Variants in BCKDHB observed in about 807,000 individuals in gnomAD.
The protein encoded by BCKDHB is 2-oxoisovalerate dehydrogenase subunit beta, mitochondrial.
In BCKDHB, 41 loss-of-function variants were observed where a neutral mutation model predicts 48.5. The ratio of observed to expected loss-of-function variants is 0.85; its 90% CI spans 0.66 to 1.10. The LOEUF (loss-of-function observed/expected upper bound fraction) is 1.10. Among genes scored for constraint, BCKDHB ranks in the 50% least tolerant of loss-of-function variants. BCKDHB has a pLI of 0.00. For missense variants in BCKDHB, 496 were observed against 494.2 expected (o/e 1.00, Z -0.03); for synonymous variants, 201 against 174.8 (o/e 1.15, Z -1.18).
At chr6:80,157,802 C>T (rs1413478032) in intron 3 of BCKDHB, among the ~76,000 whole-genome samples, 1 of 151,710 alleles carries the variant, frequency 6.6e-6, no homozygotes, top group East Asian at 1.9e-4. Context: ...TTTGGGTGGG[C>T]CTATAGTCTC....
At chr6:80,222,899 A>G (rs559067804) in intron 8 of BCKDHB, among the ~76,000 whole-genome samples, 34 of 152,288 alleles carry the variant, frequency 2.2e-4, no homozygotes, top group African/African-American at 7.9e-4. Flanking sequence ...CTGTTACTTT[A>G]CATAGAATTC....
intron 5 of BCKDHB, chr6:80,169,912 A>G: frequency 1.3e-6 from 2 of 1,547,488 alleles, no homozygotes; most frequent in East Asian, 4.7e-5. Flanking sequence ...GAGGCAAGTT[A>G]TTTTTGTGCT....
the BCKDHB span, among the ~76,000 whole-genome samples, chr6:80,452,148 T>C: frequency 1.3e-5 from 2 of 152,290 alleles, no homozygotes; most frequent in Non-Finnish European, 2.9e-5. Flanking sequence ...AGGTGGAATA[T>C]GATGATGTCA....
intron 9 of BCKDHB, among the ~76,000 whole-genome samples, chr6:80,281,375 G>C (rs1427457284): frequency 6.6e-6 from 1 of 152,158 alleles, no homozygotes; most frequent in Non-Finnish European, 1.5e-5. Flanking sequence ...CATGAGACAA[G>C]TGCAGAAGAG....
chr6:80,169,806 A>G (rs1772803198), intron 5 of BCKDHB: 1 of 1,604,382 alleles, frequency 6.2e-7, no homozygotes, highest in Non-Finnish European at 8.5e-7. Flanking sequence ...TGTTTTTTCT[A>G]CCAGATCAAA....
the BCKDHB span, among the ~76,000 whole-genome samples, chr6:80,364,725 A>G: frequency 3.3e-5 from 5 of 152,208 alleles, no homozygotes; most frequent in African/African-American, 1.2e-4. Flanking sequence ...TCATGATAAC[A>G]GGAACAAATG....
chr6:80,135,264 G>C (rs765139967), intron 3 of BCKDHB, among the ~76,000 whole-genome samples: 1 of 151,960 alleles, frequency 6.6e-6, no homozygotes, highest in Non-Finnish European at 1.5e-5. Flanking sequence ...TGAGATGGGG[G>C]TTTGGTTTCT....
At chr6:80,291,815 C>T (rs1328651102) in intron 9 of BCKDHB, among the ~76,000 whole-genome samples, 1 of 152,062 alleles carries the variant, frequency 6.6e-6, no homozygotes, top group Non-Finnish European at 1.5e-5. Context: ...TTCGTCTCTT[C>T]AGTTTTATAT....
intron 3 of BCKDHB, among the ~76,000 whole-genome samples, chr6:80,135,292 T>G (rs1770830086): frequency 6.6e-6 from 1 of 151,998 alleles, no homozygotes; most frequent in Non-Finnish European, 1.5e-5. Flanking sequence ...TGAAACTAAT[T>G]TTATGGAAGA....
At chr6:80,438,155 C>T in the BCKDHB span, among the ~76,000 whole-genome samples, 3 of 152,204 alleles carry the variant, frequency 2.0e-5, no homozygotes, top group South Asian at 6.2e-4. Flanking sequence ...GTTTCTTCCT[C>T]AGATCACATA....
At chr6:80,230,823 C>T (rs1057468285) in intron 8 of BCKDHB, among the ~76,000 whole-genome samples, 35 of 152,148 alleles carry the variant, frequency 2.3e-4, no homozygotes, top group African/African-American at 7.5e-4. Flanking sequence ...AGAACCCACT[C>T]GTGATAAAGT....
intron 8 of BCKDHB, among the ~76,000 whole-genome samples, chr6:80,226,968 C>G (rs1214304957): frequency 6.6e-6 from 1 of 152,060 alleles, no homozygotes; most frequent in East Asian, 1.9e-4. Context: ...TATCTTCTTT[C>G]CACTTTGTAA....
intron 8 of BCKDHB, among the ~76,000 whole-genome samples, chr6:80,237,607 G>A (rs1160108426): frequency 6.6e-6 from 1 of 152,140 alleles, no homozygotes; most frequent in African/African-American, 2.4e-5. Context: ...GTAAACTTCT[G>A]GAGTGAGAAC....
rs905764243 is a variant in BCKDHB at position 80,247,212 on chromosome 6, T to G, written c.952-25923T>G. Among the ~76,000 whole-genome samples, 3 of 152,202 alleles carry G rather than the reference T, an allele frequency of 2.0e-5. No individual in the cohort carries two copies. The East Asian group carries it at 5.8e-4, about 29-fold the overall frequency. ...AATTTTTAAATTGCTATTTGGAAAA[T>G]TATAACTGAACAATAATGCCTTTGT... On this transcript the variant is annotated intron_variant, in intron 8 of 9. Transcript: ENST00000320393.
chr6:80,288,851 C>T (rs901193614), intron 9 of BCKDHB, among the ~76,000 whole-genome samples: 2 of 151,918 alleles, frequency 1.3e-5, no homozygotes, highest in Non-Finnish European at 2.9e-5. Context: ...GGTTGATTTT[C>T]ATTGCCTGGT....
At chr6:80,461,231 C>T in the BCKDHB span, among the ~76,000 whole-genome samples, 1 of 152,264 alleles carries the variant, frequency 6.6e-6, no homozygotes, top group African/African-American at 2.4e-5. Context: ...TGCCCTGCTT[C>T]TCCTATTCTT....
At chr6:80,231,681 T>C (rs565328544) in intron 8 of BCKDHB, among the ~76,000 whole-genome samples, 4 of 152,162 alleles carry the variant, frequency 2.6e-5, no homozygotes, top group South Asian at 4.2e-4. Flanking sequence ...AAGAAAGTGG[T>C]TGGGGCCAGG....
the BCKDHB span, among the ~76,000 whole-genome samples, chr6:80,365,395 A>G: frequency 6.6e-6 from 1 of 152,150 alleles, no homozygotes; most frequent in Non-Finnish European, 1.5e-5. Context: ...ACTGCATAAG[A>G]CAGACATTCC....
rs1215012184 is a variant in BCKDHB at position 80,201,163 on chromosome 6, A to G, written c.840+132A>G. The G allele has an allele frequency of 5.8e-5, 45 of 771,530 alleles. No individual in the cohort carries two copies. The Admixed American group carries it at 8.8e-4, about 15-fold the overall frequency. 47.8% of individuals were successfully genotyped at this position (771,530 alleles called of 1,614,324 possible). ...GATTAAGTCTGGTGCTACTGATGCT[A>G]ATTTCTTTTTTCCCTCAACTTTATT... On this transcript the variant is annotated intron_variant, in intron 7 of 9. Transcript: ENST00000320393.
Sources: allele counts gnomAD v4.1 joint callset (sites outside exome capture counted in the v4.1 genomes callset), GRCh38; gene constraint gnomAD v4.1.1; transcripts MANE v1.5; gene names NCBI Gene and HGNC (gene_info 2026-07-23, HGNC 2026-07-21).